Variants in UBE2E2 observed in about 807,000 individuals in gnomAD.
UBE2E2 encodes ubiquitin conjugating enzyme E2 E2, also known as ubiquitin-conjugating enzyme E2 E2.
UBE2E2 carries 6 observed loss-of-function variants against 24.7 expected under a neutral mutation model. The observed-to-expected ratio is 0.24, with a 90% confidence interval of 0.13 to 0.48. UBE2E2 has a LOEUF of 0.48. Among genes scored for constraint, UBE2E2 ranks in the 20% least tolerant of loss-of-function variants. The pLI is 0.99. For missense variants in UBE2E2, 169 were observed against 245.0 expected, an observed-to-expected ratio of 0.69 and a Z score of 2.07; for synonymous variants, 104 against 83.6, an observed-to-expected ratio of 1.24 and a Z score of -1.33.
At chr3:23,335,890 A>G (rs746474048) in intron 3 of UBE2E2, among the ~76,000 whole-genome samples, 3 of 152,172 alleles carry the variant, frequency 2.0e-5, no homozygotes, top group Admixed American at 6.6e-5. Context: ...AACAAGGTAA[A>G]AGGTGTACAG....
At chr3:23,519,557 A>C (rs373377609) in intron 4 of UBE2E2, among the ~76,000 whole-genome samples, 1 of 152,230 alleles carries the variant, frequency 6.6e-6, no homozygotes, top group South Asian at 2.1e-4. Flanking sequence ...AAGATTATAC[A>C]TGTTAAGTGA....
At chr3:23,457,390 A>T (rs895227819) in intron 3 of UBE2E2, among the ~76,000 whole-genome samples, 6 of 152,102 alleles carry the variant, frequency 3.9e-5, no homozygotes, top group Non-Finnish European at 8.8e-5. Context: ...ATACCCAAAA[A>T]CCCAGGGACC....
chr3:23,496,830 A>G (rs1267345350), intron 3 of UBE2E2, among the ~76,000 whole-genome samples: 1 of 152,106 alleles, frequency 6.6e-6, no homozygotes, highest in Admixed American at 6.5e-5. Flanking sequence ...CCCTTGAACA[A>G]CTCAGGGTTT....
intron 3 of UBE2E2, among the ~76,000 whole-genome samples, chr3:23,462,877 C>T (rs943931871): frequency 4.6e-5 from 7 of 152,240 alleles, no homozygotes; most frequent in Non-Finnish European, 8.8e-5. Flanking sequence ...TAGTTAACCA[C>T]TCTGTGCCTT....
At chr3:23,265,390 A>G (rs1698020692) in intron 3 of UBE2E2, among the ~76,000 whole-genome samples, 1 of 152,118 alleles carries the variant, frequency 6.6e-6, no homozygotes, top group South Asian at 2.1e-4. Context: ...GACTGAAGTT[A>G]GGATGTGAAT....
chr3:23,412,230 T>G (rs192192943), intron 3 of UBE2E2, among the ~76,000 whole-genome samples: 167 of 152,318 alleles, frequency 1.1e-3, no homozygotes, highest in Middle Eastern at 0.01. Flanking sequence ...TGTAATTATT[T>G]GTAATTTTCA....
intron 3 of UBE2E2, among the ~76,000 whole-genome samples, chr3:23,246,046 C>G (rs1267849451): frequency 6.6e-6 from 1 of 152,020 alleles, no homozygotes; most frequent in East Asian, 1.9e-4. Flanking sequence ...TTATTGGCAT[C>G]CAGTCAATAA....
chr3:23,261,587 C>G (rs1417429177), intron 3 of UBE2E2, among the ~76,000 whole-genome samples: 1 of 152,100 alleles, frequency 6.6e-6, no homozygotes, highest in African/African-American at 2.4e-5. Context: ...TCATCTTATA[C>G]TTGAAGGTTG....
intron 3 of UBE2E2, among the ~76,000 whole-genome samples, chr3:23,398,977 A>G (rs1172294135): frequency 1.3e-5 from 2 of 152,202 alleles, no homozygotes; most frequent in Non-Finnish European, 2.9e-5. Context: ...ACGTGGGGAT[A>G]TGTTCCAAGA....
intron 3 of UBE2E2, among the ~76,000 whole-genome samples, chr3:23,386,664 T>G (rs1277058303): frequency 6.6e-6 from 1 of 152,228 alleles, no homozygotes; most frequent in Non-Finnish European, 1.5e-5. Context: ...AAGTGAATTT[T>G]TACATATTAA....
intron 3 of UBE2E2, among the ~76,000 whole-genome samples, chr3:23,287,372 G>A (rs1179302398): frequency 6.6e-6 from 1 of 152,106 alleles, no homozygotes; most frequent in Non-Finnish European, 1.5e-5. Flanking sequence ...AAGGATACTG[G>A]CCTGTAGTTT....
At chr3:23,423,771 T>A (rs1215838088) in intron 3 of UBE2E2, among the ~76,000 whole-genome samples, 1 of 152,186 alleles carries the variant, frequency 6.6e-6, no homozygotes, top group Non-Finnish European at 1.5e-5. Flanking sequence ...TGAATGTTTT[T>A]AATGAGAATA....
At chr3:23,327,408 A>G (rs1052413062) in intron 3 of UBE2E2, among the ~76,000 whole-genome samples, 1 of 152,094 alleles carries the variant, frequency 6.6e-6, no homozygotes, top group Non-Finnish European at 1.5e-5. Context: ...TTTGATTTGC[A>G]TTTCTCTGAT....
At chr3:23,472,672 A>G (rs1460535407) in intron 3 of UBE2E2, among the ~76,000 whole-genome samples, 1 of 147,904 alleles carries the variant, frequency 6.8e-6, no homozygotes, top group Non-Finnish European at 1.5e-5. Context: ...TTTTTTTGAG[A>G]CAGGATTGCT....
intron 3 of UBE2E2, among the ~76,000 whole-genome samples, chr3:23,367,309 G>A (rs943394753): frequency 6.6e-6 from 1 of 152,132 alleles, no homozygotes; most frequent in Non-Finnish European, 1.5e-5. Context: ...TGAGTTGACT[G>A]ATGGCTGGCA....
intron 3 of UBE2E2, among the ~76,000 whole-genome samples, chr3:23,442,393 G>A (rs1698329095): frequency 6.6e-6 from 1 of 151,632 alleles, no homozygotes; most frequent in Non-Finnish European, 1.5e-5. Flanking sequence ...TTGTAAGAGA[G>A]GGTGATATTT....
At chr3:23,206,593 G>C (rs1018919603) in intron 1 of UBE2E2, among the ~76,000 whole-genome samples, 4 of 152,136 alleles carry the variant, frequency 2.6e-5, no homozygotes, top group Non-Finnish European at 4.4e-5. Flanking sequence ...AGGGGTGCTG[G>C]TGGTGGTGTG....
intron 3 of UBE2E2, among the ~76,000 whole-genome samples, chr3:23,270,652 T>C (rs1209334794): frequency 6.6e-6 from 1 of 152,188 alleles, no homozygotes; most frequent in African/African-American, 2.4e-5. Context: ...AAGCTTTCAG[T>C]CTTTTAACTT....
intron 3 of UBE2E2, among the ~76,000 whole-genome samples, chr3:23,376,823 T>A (rs1169549614): frequency 6.6e-6 from 1 of 152,176 alleles, no homozygotes; most frequent in Non-Finnish European, 1.5e-5. Context: ...TTTATATGTA[T>A]TTTGAAGTCC....
Sources: allele counts gnomAD v4.1 joint callset (sites outside exome capture counted in the v4.1 genomes callset), GRCh38; gene constraint gnomAD v4.1.1; transcripts MANE v1.5; gene names NCBI Gene and HGNC (gene_info 2026-07-23, HGNC 2026-07-21).